RETREG1: variants seen among roughly 807,000 people sequenced by gnomAD.
RETREG1 encodes the protein reticulophagy regulator 1, also known as family with sequence similarity 134 member B.
In RETREG1, 44 loss-of-function variants were observed where a neutral mutation model predicts 54.8. The observed-to-expected ratio is 0.80, with a 90% CI of 0.63 to 1.03. The LOEUF (loss-of-function observed/expected upper bound fraction) is 1.03. RETREG1 is among the 50% of genes least tolerant of loss of function. The pLI is 0.00. For synonymous variants in RETREG1, 217 were observed against 238.5 expected (o/e 0.91, Z 0.83); for missense variants, 554 against 605.1 (o/e 0.92, Z 0.89).
chr5:16,511,215 C>A (rs1740164232), intron 3 of RETREG1, among the ~76,000 whole-genome samples: 1 of 152,092 alleles, frequency 6.6e-6, no homozygotes, highest in Non-Finnish European at 1.5e-5. Flanking sequence ...AAATTTTGAT[C>A]TTTTTCTGGG....
At chr5:16,600,161 C>T (rs998956527) in intron 1 of RETREG1, among the ~76,000 whole-genome samples, 11 of 152,094 alleles carry the variant, frequency 7.2e-5, no homozygotes, top group South Asian at 2.1e-4. Context: ...CCACCAAGCC[C>T]GGCTAATTTT....
chr5:16,581,965 T>G (rs978682526), intron 1 of RETREG1, among the ~76,000 whole-genome samples: 3 of 152,278 alleles, frequency 2.0e-5, no homozygotes, highest in Non-Finnish European at 4.4e-5. Flanking sequence ...AAGTCCAGCA[T>G]GCATTAGCTA....
At chr5:16,535,324 C>T (rs1741028118) in intron 3 of RETREG1, among the ~76,000 whole-genome samples, 1 of 152,236 alleles carries the variant, frequency 6.6e-6, no homozygotes, top group South Asian at 2.1e-4. Flanking sequence ...AGTTGGAGTT[C>T]CTGTGTGCAC....
At chr5:16,481,502 A>G (rs1397346656) in intron 4 of RETREG1, among the ~76,000 whole-genome samples, 1 of 152,126 alleles carries the variant, frequency 6.6e-6, no homozygotes, top group East Asian at 1.9e-4. Flanking sequence ...TACCACTATA[A>G]GCCCACTGAA....
At chr5:16,479,333 CCCT>C (rs963015829) in intron 5 of RETREG1, among the ~76,000 whole-genome samples, 3 of 152,076 alleles carry the variant, frequency 2.0e-5, no homozygotes, top group African/African-American at 7.2e-5. Context: ...TAGATCAACT[CCCT>C]CCTTTCAATC....
intron 3 of RETREG1, among the ~76,000 whole-genome samples, chr5:16,551,508 G>A (rs1484841129): frequency 6.6e-6 from 1 of 151,752 alleles, no homozygotes; most frequent in Non-Finnish European, 1.5e-5. Context: ...ATTTCTACTT[G>A]CCCAGTAAGG....
intron 3 of RETREG1, among the ~76,000 whole-genome samples, chr5:16,483,697 C>T (rs1033114270): frequency 1.6e-4 from 24 of 152,186 alleles, no homozygotes; most frequent in Non-Finnish European, 2.4e-4. Flanking sequence ...GGGAAACACT[C>T]AGGGAGAACA....
At chr5:16,535,210 C>T (rs949925240) in intron 3 of RETREG1, among the ~76,000 whole-genome samples, 29 of 152,292 alleles carry the variant, frequency 1.9e-4, no homozygotes, top group Non-Finnish European at 1.9e-4. Context: ...ATTTTCCGTC[C>T]GCTCGCTCCC....
chr5:16,538,743 C>T (rs62369721), intron 3 of RETREG1, among the ~76,000 whole-genome samples: 13,366 of 151,466 alleles, frequency 0.088, 640 homozygotes, highest in African/African-American at 0.11. Flanking sequence ...CTCGCTCTGT[C>T]GCCCAGGCTG....
At chr5:16,586,464 G>A (rs1742629509) in intron 1 of RETREG1, among the ~76,000 whole-genome samples, 1 of 152,076 alleles carries the variant, frequency 6.6e-6, no homozygotes, top group Admixed American at 6.5e-5. Context: ...AATTACTTGG[G>A]GCATTTTTTT....
At chr5:16,558,544 C>T (rs146129490) in intron 3 of RETREG1, among the ~76,000 whole-genome samples, 245 of 152,316 alleles carry the variant, frequency 1.6e-3, no homozygotes, top group African/African-American at 5.7e-3. Flanking sequence ...GAAGATGTGG[C>T]TCTCTGTCTA....
intron 3 of RETREG1, among the ~76,000 whole-genome samples, chr5:16,556,183 G>C (rs1741701892): frequency 6.6e-6 from 1 of 151,050 alleles, no homozygotes; most frequent in Non-Finnish European, 1.5e-5. Flanking sequence ...TTTGGAGACA[G>C]AGTCTCGCTC....
chr5:16,478,885 C>G lies in RETREG1; in HGVS notation c.773G>C (p.Gly258Ala). Residue 258 changes from glycine to alanine, a missense_variant, in exon 6 of 9, where the codon GGA becomes GCA. Physicochemically the swap from Gly to Ala is moderately conservative, Grantham distance 60 (BLOSUM62 0). Transcript: ENST00000306320. ...SVLLKLDFGI[G>A]EYINQKKRER... The stretch of plus-strand genomic sequence containing the variant: ...ACGTTTCTTCTGATTAATATATTCT[C>G]CAATTCCAAAATCCAGTTTCAGCAG... 1 of 1,612,314 alleles carries G rather than the reference C, an allele frequency of 6.2e-7. No individual in the cohort carries two copies. Among genetic ancestry groups the G allele is most frequent in the South Asian group, 1.1e-5 (1 of 91,004 alleles).
chr5:16,577,869 G>T (rs1231034371), intron 1 of RETREG1, among the ~76,000 whole-genome samples: 1 of 152,180 alleles, frequency 6.6e-6, no homozygotes, highest in African/African-American at 2.4e-5. Context: ...GATGTAAGAC[G>T]TGTCTTTCAC....
At chr5:16,525,332 C>T (rs974596891) in intron 3 of RETREG1, among the ~76,000 whole-genome samples, 4 of 151,226 alleles carry the variant, frequency 2.6e-5, no homozygotes, top group Admixed American at 6.6e-5. Context: ...TGGATGTGCG[C>T]GGGTAACACT....
intron 3 of RETREG1, among the ~76,000 whole-genome samples, chr5:16,543,970 G>GA (rs1741318762): frequency 8.3e-6 from 1 of 121,104 alleles, no homozygotes; most frequent in African/African-American, 3.2e-5. Flanking sequence ...TTATTGCCAA[G>GA]TTTTTTTTTT....
At chr5:16,503,987 C>G (rs1739838298) in intron 3 of RETREG1, among the ~76,000 whole-genome samples, 1 of 152,126 alleles carries the variant, frequency 6.6e-6, no homozygotes, top group Admixed American at 6.5e-5. Context: ...GTCTGCTACA[C>G]CTATCAACCC....
rs1373168602 is a variant in RETREG1, at chr5:16,473,657, G to C, written c.*1084C>G. On this transcript the variant is annotated 3_prime_UTR_variant, in exon 9 of 9. Transcript: ENST00000306320. Reference sequence around the variant, plus strand: ...TGTTAAAAACCATAAATCAAATTTGGTTATTTAAAAGTGACCTTAAAAAGT... The same window carrying C: ...TGTTAAAAACCATAAATCAAATTTGCTTATTTAAAAGTGACCTTAAAAAGT... 1 of 152,302 alleles carries C rather than the reference G, an allele frequency of 6.6e-6. No homozygotes were observed. Among genetic ancestry groups the C allele is most frequent in the Admixed American group, 6.6e-5 (1 of 15,256 alleles). 9.4% of individuals were successfully genotyped at this position (152,302 alleles called of 1,614,324 possible). A position where few individuals can be genotyped will look rare whatever the true frequency, so the allele number is the denominator to read the frequency against.
At position 16,565,749 on chromosome 5, in the gene RETREG1, A is replaced by G; in HGVS notation, c.458+14T>C. The G allele has an allele frequency of 6.2e-7, 1 of 1,614,092 alleles. No individual in the cohort carries two copies. Among genetic ancestry groups the G allele is most frequent in the Non-Finnish European group, 8.5e-7 (1 of 1,179,988 alleles). On this transcript the variant is annotated intron_variant, in intron 3 of 8. Transcript: ENST00000306320. ...TCCCTCCATTAAGCACAACACGGAAAGAAAGTTCCCTACCTTTCACTGAGG... is the reference window on the plus strand; with the variant it reads ...TCCCTCCATTAAGCACAACACGGAAGGAAAGTTCCCTACCTTTCACTGAGG...
Sources: gnomAD v4.1 joint callset for allele counts (sites outside exome capture counted in the v4.1 genomes callset) on GRCh38, gnomAD v4.1.1 for gene constraint, MANE v1.5 for transcripts, NCBI Gene and HGNC (gene_info 2026-07-23, HGNC 2026-07-21) for gene names.